Variants in CUX1 observed in about 807,000 individuals in gnomAD.
CUX1 encodes the protein cut like homeobox 1, also known as protein CASP.
CUX1 carries 31 observed loss-of-function variants against 158.8 expected under a neutral mutation model. The observed-to-expected ratio is 0.20, with a 90% confidence interval of 0.15 to 0.26. CUX1 has a LOEUF of 0.26. Ranked by LOEUF, CUX1 falls within the 10% of genes least tolerant of loss-of-function variation. CUX1 has a pLI of 1.00. For missense variants in CUX1, 1,589 were observed against 2,014.6 expected (o/e 0.79, Z 4.04); for synonymous variants, 879 against 862.1 (o/e 1.02, Z -0.34).
In CUX1 at chr7:102,256,510, G is replaced by T; in HGVS notation, c.*7468G>T. 2.0e-6 allele frequency: 2 copies of T among 985,404 alleles called. No homozygotes were observed. The highest frequency in any genetic ancestry group is 9.4e-5 in the South Asian group (2 of 21,284). The allele number at this position is 985,404 out of a possible 1,614,324, so 61.0% of individuals were successfully genotyped here. On this transcript the variant is annotated 3_prime_UTR_variant, in exon 24 of 24. Transcript: ENST00000292535. The stretch of plus-strand genomic sequence containing the variant: ...AGGCGTCTGGGGGATTGACTGGGGG[G>T]CAGAGGGGGTTTCCCCAGCAAAATC...
chr7:101,933,866 T>A (rs576064961), intron 2 of CUX1, among the ~76,000 whole-genome samples: 1 of 152,190 alleles, frequency 6.6e-6, no homozygotes, highest in African/African-American at 2.4e-5. Flanking sequence ...TAGAAAAACT[T>A]GTAGCGCTTT....
intron 20 of CUX1, among the ~76,000 whole-genome samples, chr7:102,215,887 C>G (rs1274128857): frequency 6.6e-6 from 1 of 152,200 alleles, no homozygotes; most frequent in Non-Finnish European, 1.5e-5. Context: ...ACAGGCTGCT[C>G]TCGGGGCAGA....
At chr7:101,877,852 A>G (rs1035930243) in intron 1 of CUX1, among the ~76,000 whole-genome samples, 2 of 151,860 alleles carry the variant, frequency 1.3e-5, no homozygotes, top group Non-Finnish European at 2.9e-5. Flanking sequence ...TATATTTTAT[A>G]TACTTGGTTC....
At chr7:102,229,475 C>A (rs1798724667) in intron 21 of CUX1, among the ~76,000 whole-genome samples, 1 of 151,652 alleles carries the variant, frequency 6.6e-6, no homozygotes. Flanking sequence ...CCGTGCCCAG[C>A]TAATTTTTGT....
rs782110833 is a variant in CUX1 at position 102,178,520 on chromosome 7, G to A, written c.880G>A (p.Ala294Thr). Reference protein sequence around the residue: ...TRSSLEVELAAKEREIAQLVE... With the variant: ...TRSSLEVELATKEREIAQLVE... ...CTCCAGCCTAGAAGTTGAGTTGGCC[G>A]CCAAGGAGCGGGAGATCGCACAGCT... The change falls in exon 11 of 24, where the codon GCC (alanine) becomes ACC (threonine). Residue 294 changes from alanine to threonine, a missense_variant. This residue lies in a region of CUX1 where 515 missense variants were observed against 574.4 expected (regional missense o/e 0.90). Transcript: ENST00000292535. 1.3e-5 allele frequency: 21 copies of A among 1,612,744 alleles called. No individual in the cohort carries two copies. The East Asian group carries it at 2.0e-4, about 15-fold the overall frequency.
At chr7:101,875,077 G>A (rs1479910218) in intron 1 of CUX1, among the ~76,000 whole-genome samples, 2 of 152,158 alleles carry the variant, frequency 1.3e-5, no homozygotes, top group Non-Finnish European at 2.9e-5. Context: ...GGGGCTCCTT[G>A]TCCACTTGGG....
chr7:102,176,305 C>T (rs911479385), intron 10 of CUX1, among the ~76,000 whole-genome samples: 3 of 152,104 alleles, frequency 2.0e-5, no homozygotes, highest in Non-Finnish European at 4.4e-5. Context: ...CCCAGCTGTA[C>T]CTGCCAGCTG....
chr7:102,219,716 A>G (rs949522406), intron 20 of CUX1, among the ~76,000 whole-genome samples: 3 of 152,200 alleles, frequency 2.0e-5, no homozygotes, highest in Non-Finnish European at 1.5e-5. Context: ...GTGGCCCAGG[A>G]AGGAGGTGCA....
intron 2 of CUX1, among the ~76,000 whole-genome samples, chr7:102,018,735 AGTGCGTGC>A (rs59444071): frequency 0.42 from 63,967 of 151,544 alleles, 14,098 homozygotes; most frequent in Non-Finnish European, 0.46. Flanking sequence ...GGAGAGCTTG[AGTGCGTGC>A]GTGCGTGCGT....
chr7:102,214,262 G>A (rs1415958824), intron 20 of CUX1, among the ~76,000 whole-genome samples: 5 of 152,054 alleles, frequency 3.3e-5, no homozygotes, highest in Non-Finnish European at 7.4e-5. Flanking sequence ...GGTGGCTGAC[G>A]CCTGTAATCC....
chr7:102,089,977 G>A lies in CUX1; in HGVS notation c.269-7387G>A, dbSNP rs563993739. Among the ~76,000 whole-genome samples the A allele has an allele frequency of 1.0e-3, 153 of 152,224 alleles. No homozygotes were observed. In the Middle Eastern group the frequency reaches 0.01, roughly 10 times the overall value. On this transcript the variant is annotated intron_variant, in intron 4 of 23. Coordinates refer to ENST00000292535, the MANE Select transcript of CUX1 (RefSeq NM_181552.4). ...AGTCTTGTTCCACCAGTTGTCCAGCGTCTGTAAATAGTTGTTTCATTGACT... is the reference window on the plus strand; with the variant it reads ...AGTCTTGTTCCACCAGTTGTCCAGCATCTGTAAATAGTTGTTTCATTGACT...
chr7:101,988,229 A>C (rs764303209), intron 2 of CUX1, among the ~76,000 whole-genome samples: 22 of 151,040 alleles, frequency 1.5e-4, no homozygotes, highest in African/African-American at 3.2e-4. Context: ...AAAGAAGAAG[A>C]AGCTGTTCTC....
intron 1 of CUX1, among the ~76,000 whole-genome samples, chr7:101,876,574 A>T (rs1799158373): frequency 6.6e-6 from 1 of 152,002 alleles, no homozygotes; most frequent in African/African-American, 2.4e-5. Context: ...ACGCACCTGT[A>T]GTCCCAGCTA....
chr7:102,033,310 A>G (rs1821015749), intron 3 of CUX1, among the ~76,000 whole-genome samples: 1 of 152,150 alleles, frequency 6.6e-6, no homozygotes, highest in Non-Finnish European at 1.5e-5. Context: ...AAACAAATAA[A>G]TGTACAACAG....
In CUX1 at chr7:102,216,514, G is replaced by A. The variant is rs531290103; in HGVS notation, c.3131-10853G>A. Among the ~76,000 whole-genome samples, 36 of 101,948 alleles carry A rather than the reference G, an allele frequency of 3.5e-4. No individual in the cohort carries two copies. The East Asian group carries it at 5.5e-3, about 16-fold the overall frequency. The allele number at this position is 101,948 out of a possible 152,430, so 66.9% of individuals were successfully genotyped here. A position where few individuals can be genotyped will look rare whatever the true frequency, so the allele number is the denominator to read the frequency against. On this transcript the variant is annotated intron_variant, in intron 20 of 23. Coordinates refer to ENST00000292535, the MANE Select transcript of CUX1 (RefSeq NM_181552.4). ...AAAAAGAGGGCGTGCGTGTGTGCGC[G>A]CACACACACACTCTCCCCCCCACAC...
At chr7:101,879,268 A>G (rs1425779260) in intron 1 of CUX1, among the ~76,000 whole-genome samples, 2 of 151,864 alleles carry the variant, frequency 1.3e-5, no homozygotes, top group African/African-American at 4.8e-5. Context: ...GGGGGACCTT[A>G]ACCCTTTGCC....
intron 2 of CUX1, among the ~76,000 whole-genome samples, chr7:101,945,132 G>A (rs1022672774): frequency 6.6e-6 from 1 of 152,166 alleles, no homozygotes; most frequent in African/African-American, 2.4e-5. Flanking sequence ...CAGGTGCTAG[G>A]TGCGTGCTGG....
intron 2 of CUX1, among the ~76,000 whole-genome samples, chr7:102,001,001 C>T (rs193202391): frequency 1.3e-5 from 2 of 151,780 alleles, no homozygotes; most frequent in African/African-American, 4.8e-5. Flanking sequence ...TGGTCTTGAA[C>T]TCATGGGCCT....
intron 8 of CUX1, among the ~76,000 whole-genome samples, chr7:102,155,528 A>G (rs2131547517): frequency 6.6e-6 from 1 of 152,076 alleles, no homozygotes; most frequent in African/African-American, 2.4e-5. Context: ...CCTGGGTGAG[A>G]GTGAGACCCT....
Sources: gnomAD v4.1 joint callset for allele counts (sites outside exome capture counted in the v4.1 genomes callset) on GRCh38, gnomAD v4.1.1 for gene constraint, gnomAD v4.1.1 regional missense constraint, MANE v1.5 for transcripts, NCBI Gene and HGNC (gene_info 2026-07-23, HGNC 2026-07-21) for gene names.